Variants in PTPRN2 observed in about 807,000 individuals in gnomAD.
PTPRN2 encodes the protein receptor-type tyrosine-protein phosphatase N2.
Under a neutral mutation model 118.8 loss-of-function variants are expected in PTPRN2, and 74 were observed. The observed-to-expected ratio is 0.62, with a 90% CI of 0.52 to 0.76. The LOEUF (loss-of-function observed/expected upper bound fraction) is 0.76. PTPRN2 is among the 30% of genes least tolerant of loss of function. The pLI is 0.00. For synonymous variants in PTPRN2, 641 were observed against 608.0 expected (o/e 1.05, Z -0.80); for missense variants, 1,481 against 1,394.4 (o/e 1.06, Z -0.99).
intron 2 of PTPRN2, among the ~76,000 whole-genome samples, chr7:158,371,510 A>C (rs889742148): frequency 2.0e-5 from 3 of 152,182 alleles, no homozygotes; most frequent in Non-Finnish European, 2.9e-5. Context: ...CAAAACGAGG[A>C]GGCATATTTT....
Position 157,963,868 on chromosome 7 carries a change from T to G in PTPRN2, c.1724-65131A>C, listed in dbSNP as rs532350914. 6.6e-5 allele frequency among the ~76,000 whole-genome samples: 10 copies of G among 152,292 alleles called. No homozygotes were observed. The East Asian group carries it at 1.9e-3, about 29-fold the overall frequency. On this transcript the variant is annotated intron_variant, in intron 11 of 22. Transcript: ENST00000389418. ...CTTAATTTCTATCATTAAATCCTTT[T>G]GTTTTGTTTTATTTTTGGACAGACG...
intron 11 of PTPRN2, among the ~76,000 whole-genome samples, chr7:158,050,419 A>C (rs1809236535): frequency 6.6e-6 from 1 of 152,170 alleles, no homozygotes; most frequent in South Asian, 2.1e-4. Context: ...CAGCAACCTC[A>C]ATGCCTTTTA....
At chr7:158,071,336 G>A (rs1389862984) in intron 11 of PTPRN2, among the ~76,000 whole-genome samples, 31 of 124,270 alleles carry the variant, frequency 2.5e-4, no homozygotes, top group Admixed American at 4.1e-4. Context: ...TGCCCATGGT[G>A]GTGGAGGTGC....
intron 5 of PTPRN2, among the ~76,000 whole-genome samples, chr7:158,180,649 C>T (rs1824625166): frequency 6.6e-6 from 1 of 152,140 alleles, no homozygotes; most frequent in Admixed American, 6.5e-5. Context: ...GTATAGAGAT[C>T]TTTCACCTCC....
chr7:157,672,180 G>A lies in PTPRN2; in HGVS notation c.2001+10545C>T, dbSNP rs561820628. 3.0e-3 allele frequency among the ~76,000 whole-genome samples: 450 copies of A among 152,196 alleles called. 12 individuals carry two copies. Among genetic ancestry groups the A allele is most frequent in the South Asian group, 0.012 (57 of 4,820 alleles). On this transcript the variant is annotated intron_variant, in intron 13 of 22. Coordinates refer to ENST00000389418, the MANE Select transcript of PTPRN2 (RefSeq NM_002847.5). ...GTCTGAAAACCCCCCCTGGAGAAGCGAGGGGCCCACTGGGAACGGGAAGGC... is the reference window on the plus strand; with the variant it reads ...GTCTGAAAACCCCCCCTGGAGAAGCAAGGGGCCCACTGGGAACGGGAAGGC...
chr7:157,734,529 G>T (rs1800188536), intron 12 of PTPRN2, among the ~76,000 whole-genome samples: 1 of 152,178 alleles, frequency 6.6e-6, no homozygotes, highest in Non-Finnish European at 1.5e-5. Flanking sequence ...ATGGAAAAAG[G>T]CAGGCAAAGA....
At position 157,652,366 on chromosome 7, in the gene PTPRN2, A is replaced by G. The variant is rs182388843; in HGVS notation, c.2196+3991T>C. On this transcript the variant is annotated intron_variant, in intron 14 of 22. Coordinates refer to ENST00000389418, the MANE Select transcript of PTPRN2 (RefSeq NM_002847.5). Reference sequence around the variant, plus strand: ...CTCACAGGAACCCCAGGGGAAAGGCACTGCCATCAAGCCCGTCTCACAGGG... The same window carrying G: ...CTCACAGGAACCCCAGGGGAAAGGCGCTGCCATCAAGCCCGTCTCACAGGG... Among the ~76,000 whole-genome samples the G allele has an allele frequency of 4.1e-4, 63 of 152,332 alleles. No homozygotes were observed. In the East Asian group the frequency reaches 0.011, roughly 28 times the overall value.
At chr7:157,612,640 C>T (rs1434613022) in intron 15 of PTPRN2, among the ~76,000 whole-genome samples, 1 of 152,220 alleles carries the variant, frequency 6.6e-6, no homozygotes, top group Non-Finnish European at 1.5e-5. Context: ...TGACCTCTGA[C>T]CCCACAGCAC....
In PTPRN2 at chr7:158,098,012, C is replaced by A. The variant is rs142220760; in HGVS notation, c.1643+12817G>T. Reference sequence around the variant, plus strand: ...GTCAGAGCTGCTCCCCTCGAGACACCAACGAGGCACAGCCCACACCCCCGT... The same window carrying A: ...GTCAGAGCTGCTCCCCTCGAGACACAAACGAGGCACAGCCCACACCCCCGT... On this transcript the variant is annotated intron_variant, in intron 10 of 22. Coordinates refer to ENST00000389418, the MANE Select transcript of PTPRN2 (RefSeq NM_002847.5). 3.3e-3 allele frequency among the ~76,000 whole-genome samples: 510 copies of A among 152,270 alleles called. 4 individuals are homozygous for A. Among genetic ancestry groups the A allele is most frequent in the African/African-American group, 0.012 (489 of 41,552 alleles).
chr7:158,274,407 G>A (rs1798812920), intron 3 of PTPRN2, among the ~76,000 whole-genome samples: 1 of 133,782 alleles, frequency 7.5e-6, no homozygotes, highest in African/African-American at 2.8e-5. Flanking sequence ...GGGAGCCACA[G>A]GCACAGGGGG....
intron 3 of PTPRN2, among the ~76,000 whole-genome samples, chr7:158,215,111 A>C (rs1292599089): frequency 3.9e-5 from 6 of 152,262 alleles, no homozygotes; most frequent in African/African-American, 1.4e-4. Context: ...TGCTTCAATG[A>C]GCAATTATGA....
chr7:157,939,192 CAGAT>C, intron 11 of PTPRN2, among the ~76,000 whole-genome samples: 1 of 152,292 alleles, frequency 6.6e-6, no homozygotes. Context: ...GAATTACAGT[CAGAT>C]AAAGTTAAGT....
chr7:157,639,200 CTAA>C (rs1804523080), intron 14 of PTPRN2, among the ~76,000 whole-genome samples: 1 of 152,040 alleles, frequency 6.6e-6, no homozygotes, highest in South Asian at 2.1e-4. Context: ...CCAAATCTAG[CTAA>C]GTTTTGTATT....
At chr7:157,895,256 C>A (rs1461289767) in intron 12 of PTPRN2, among the ~76,000 whole-genome samples, 1 of 149,468 alleles carries the variant, frequency 6.7e-6, no homozygotes, top group Admixed American at 6.7e-5. Context: ...AGGGTCTGGA[C>A]GAGACCATAA....
intron 2 of PTPRN2, among the ~76,000 whole-genome samples, chr7:158,406,062 ACT>A (rs1813399315): frequency 7.8e-6 from 1 of 128,564 alleles, no homozygotes; most frequent in Non-Finnish European, 1.6e-5. Flanking sequence ...GTGGCCGCAC[ACT>A]GAGATCCCGC....
At chr7:158,139,790 T>C (rs776730396) in intron 6 of PTPRN2, among the ~76,000 whole-genome samples, 12 of 152,202 alleles carry the variant, frequency 7.9e-5, no homozygotes, top group Non-Finnish European at 1.8e-4. Flanking sequence ...ACGTATTTCA[T>C]ACAATGTGCA....
At chr7:157,569,162 G>T (rs1426953536) in intron 20 of PTPRN2, among the ~76,000 whole-genome samples, 196 bp from the exon 21 acceptor site, 1 of 152,252 alleles carries the variant, frequency 6.6e-6, no homozygotes, top group Non-Finnish European at 1.5e-5. Flanking sequence ...TGGGGGCTTC[G>T]AGCCTCTGAG....
At chr7:158,243,151 GA>G (rs1795992963) in intron 3 of PTPRN2, among the ~76,000 whole-genome samples, 1 of 152,234 alleles carries the variant, frequency 6.6e-6, no homozygotes, top group Admixed American at 6.5e-5. Context: ...GCTGGAGTGA[GA>G]AGATTCCAGC....
intron 10 of PTPRN2, among the ~76,000 whole-genome samples, chr7:158,099,845 C>T (rs1426896440): frequency 9.4e-6 from 1 of 106,436 alleles, no homozygotes. Context: ...TCTTCCTCCC[C>T]CCATCCCATC....
Sources: allele counts gnomAD v4.1 joint callset (sites outside exome capture counted in the v4.1 genomes callset), GRCh38; gene constraint gnomAD v4.1.1; transcripts MANE v1.5; gene names NCBI Gene and HGNC (gene_info 2026-07-23, HGNC 2026-07-21).